Variants in FREM2 observed in about 807,000 individuals in gnomAD.
FREM2 encodes the protein FRAS1 related extracellular matrix 2, also known as FRAS1-related extracellular matrix protein 2.
FREM2 carries 119 observed loss-of-function variants against 219.9 expected under a neutral mutation model. The observed-to-expected ratio is 0.54, with a 90% CI of 0.47 to 0.63. The LOEUF is 0.63. Ranked by LOEUF, FREM2 falls within the 30% of genes least tolerant of loss-of-function variation. The pLI, the probability that FREM2 is intolerant of heterozygous loss-of-function variation, is 0.00. For missense variants in FREM2, 4,030 were observed against 3,993.6 expected, an observed-to-expected ratio of 1.01 and a Z score of -0.25; for synonymous variants, 1,562 against 1,522.8, an observed-to-expected ratio of 1.03 and a Z score of -0.60.
rs199524550 is a variant in FREM2 at position 38,857,984 on chromosome 13, C to T, written c.7166C>T (p.Ala2389Val). 23 of 1,613,978 alleles carry T rather than the reference C, an allele frequency of 1.4e-5. No homozygotes were observed. In the East Asian group the frequency reaches 5.1e-4, roughly 36 times the overall value. ...TTGATGTATGACGACACTTCCAAAGCTAAGGAGAGTGCTGAACCCATGTCT... is the reference window on the plus strand; with the variant it reads ...TTGATGTATGACGACACTTCCAAAGTTAAGGAGAGTGCTGAACCCATGTCT... ...SLLMYDDTSKAKESAEPMSGY... is the reference protein window; with the variant it reads ...SLLMYDDTSKVKESAEPMSGY... The change falls in exon 13 of 24, where the codon GCT becomes GTT. Residue 2389 changes from alanine to valine, a missense_variant. Physicochemically the swap from Ala to Val is moderately conservative, Grantham distance 64. This residue lies in a region of FREM2 where 928 missense variants were observed against 1,042.9 expected (regional missense o/e 0.89). Transcript: ENST00000280481.
chr13:38,866,541 G>A (rs2137927775), intron 16 of FREM2, among the ~76,000 whole-genome samples: 1 of 151,308 alleles, frequency 6.6e-6, no homozygotes, highest in East Asian at 2.0e-4. Context: ...GGTGGCGCAT[G>A]CCTGTAATCC....
At chr13:38,863,557 C>CAA (rs58585772) in intron 15 of FREM2, among the ~76,000 whole-genome samples, 42 of 152,154 alleles carry the variant, frequency 2.8e-4, no homozygotes, top group Admixed American at 7.9e-4. Flanking sequence ...TGTTATAAAA[C>CAA]AAAAAAATGA....
chr13:38,690,419 A>G lies in FREM2; in HGVS notation c.3075A>G (p.Leu1025=), dbSNP rs547799845. Residue 1025 remains leucine (L), a synonymous_variant, in exon 1 of 24, where the codon CTA becomes CTG. Transcript: ENST00000280481. Reference sequence around the variant, plus strand: ...CCCACACCAGTGGTGAGATAGGCCTATTGCCTAAAGCGGATTCTTTTAACC... The same window carrying G: ...CCCACACCAGTGGTGAGATAGGCCTGTTGCCTAAAGCGGATTCTTTTAACC... ...VYTHTSGEIG[L]LPKADSFNLS... 198 of 1,614,132 alleles carry G rather than the reference A, an allele frequency of 1.2e-4. 1 individual carries two copies. In the South Asian group the frequency reaches 1.7e-3, roughly 14 times the overall value.
intron 6 of FREM2, among the ~76,000 whole-genome samples, chr13:38,830,537 G>T (rs1036984328): frequency 1.3e-4 from 20 of 152,154 alleles, no homozygotes; most frequent in South Asian, 4.1e-4. Flanking sequence ...AAGTTCTGAT[G>T]ATTTCAATTC....
chr13:38,790,775 CT>C (rs1874528588), intron 6 of FREM2, among the ~76,000 whole-genome samples: 1 of 152,158 alleles, frequency 6.6e-6, no homozygotes, highest in African/African-American at 2.4e-5. Context: ...CTCTTAAAAG[CT>C]TTAATTTCTA....
At chr13:38,870,296 A>G (rs1271539232) in intron 16 of FREM2, among the ~76,000 whole-genome samples, 1 of 152,170 alleles carries the variant, frequency 6.6e-6, no homozygotes, top group East Asian at 1.9e-4. Flanking sequence ...AGCAGAATAA[A>G]TTTGACAGTG....
At position 38,692,080 on chromosome 13, in the gene FREM2, G is replaced by A; in HGVS notation, c.4736G>A (p.Gly1579Asp). The A allele has an allele frequency of 6.2e-7, 1 of 1,614,140 alleles. No individual in the cohort carries two copies. The highest frequency in any genetic ancestry group is 1.1e-5 in the South Asian group (1 of 91,078). The stretch of plus-strand genomic sequence containing the variant: ...ACTATCACCCAGGTGCCTATTCATG[G>A]CCATCTCCTATTCAACAATACCAGA... ...KFTITQVPIH[G>D]HLLFNNTRPV... Residue 1579 changes from glycine (G) to aspartate (D), a missense_variant, in exon 1 of 24, where the codon GGC becomes GAC. Gly to Asp is a moderately conservative substitution (Grantham distance 94, BLOSUM62 -1). Coordinates refer to ENST00000280481, the MANE Select transcript of FREM2 (RefSeq NM_207361.6).
Position 38,688,862 on chromosome 13 carries a change from C to T in FREM2, c.1518C>T (p.Ser506=), listed in dbSNP as rs141821695. 12,849 of 1,613,570 alleles carry T rather than the reference C, an allele frequency of 8.0e-3. 102 individuals are homozygous for T. Among genetic ancestry groups the T allele is most frequent in the Non-Finnish European group, 8.1e-3 (9,613 of 1,179,862 alleles). ...CCAGTGGCAGCTCTGCTCCCAAGAG[C>T]TTTACAGTGGCTGAGCTGGCAGCCG... The part of the protein sequence containing the change: ...GASSGSSAPK[S]FTVAELAAGQ... The change falls in exon 1 of 24, where the codon AGC becomes AGT. Residue 506 remains serine, a synonymous_variant. Transcript: ENST00000280481.
intron 6 of FREM2, among the ~76,000 whole-genome samples, chr13:38,802,108 G>C (rs986725077): frequency 5.3e-5 from 8 of 152,164 alleles, no homozygotes; most frequent in Non-Finnish European, 2.9e-5. Flanking sequence ...GACCAGGCTG[G>C]TAGACTTGTC....
chr13:38,765,775 G>A (rs1416554036), intron 3 of FREM2, among the ~76,000 whole-genome samples: 1 of 152,008 alleles, frequency 6.6e-6, no homozygotes, highest in African/African-American at 2.4e-5. Flanking sequence ...CTGTCTTTGA[G>A]GTTGCTCTGG....
intron 11 of FREM2, among the ~76,000 whole-genome samples, chr13:38,853,274 G>A (rs938995070): frequency 2.0e-4 from 28 of 136,886 alleles, no homozygotes; most frequent in African/African-American, 5.8e-4. Flanking sequence ...GCCGAGATCC[G>A]CCATTACACT....
chr13:38,851,544 C>T (rs1877371132), intron 10 of FREM2, 142 bp from the exon 11 acceptor site: 2 of 715,696 alleles, frequency 2.8e-6, no homozygotes, highest in Admixed American at 2.2e-5. Context: ...ACACACGTCA[C>T]TAATTTTGAG....
At chr13:38,802,466 T>C (rs1380745317) in intron 6 of FREM2, among the ~76,000 whole-genome samples, 2 of 152,134 alleles carry the variant, frequency 1.3e-5, no homozygotes, top group African/African-American at 4.8e-5. Flanking sequence ...CCTGTGGGCC[T>C]GCCACCAGGA....
chr13:38,691,593 A>T lies in FREM2; in HGVS notation c.4249A>T (p.Ile1417Phe), dbSNP rs1389181273. 1 of 1,614,062 alleles carries T rather than the reference A, an allele frequency of 6.2e-7. No individual in the cohort carries two copies. Among genetic ancestry groups the T allele is most frequent in the Non-Finnish European group, 8.5e-7 (1 of 1,180,032 alleles). ...TTACTTTTATGTGTCCATCGGGAGCATTGACATTGTCTTCCCTGATGTGAT... is the reference window on the plus strand; with the variant it reads ...TTACTTTTATGTGTCCATCGGGAGCTTTGACATTGTCTTCCCTGATGTGAT... ...DRYFYVSIGSIDIVFPDVISK... is the reference protein window; with the variant it reads ...DRYFYVSIGSFDIVFPDVISK... The change falls in exon 1 of 24, where the codon ATT becomes TTT. Residue 1417 changes from isoleucine (I) to phenylalanine (F), a missense_variant. By Grantham distance (21) the Ile-to-Phe change is conservative. Transcript: ENST00000280481.
Position 38,789,519 on chromosome 13 carries a change from G to GT in FREM2, c.6019+4720dup, listed in dbSNP as rs577789838. On this transcript the variant is annotated intron_variant, in intron 6 of 23. Coordinates refer to ENST00000280481, the MANE Select transcript of FREM2 (RefSeq NM_207361.6). ...CCAGAAGTTTGTATATTTTATTCAAGTTTTTTTTTAAAAAAAGCTATGTTT... is the reference window on the plus strand; with the variant it reads ...CCAGAAGTTTGTATATTTTATTCAAGTTTTTTTTTTAAAAAAAGCTATGTTT... 4.8e-3 allele frequency among the ~76,000 whole-genome samples: 692 copies of GT among 145,610 alleles called. 4 individuals are homozygous for GT. The highest frequency in any genetic ancestry group is 0.016 in the African/African-American group (642 of 39,898).
Position 38,687,660 on chromosome 13 carries a change from G to C in FREM2, c.316G>C (p.Ala106Pro). The change falls in exon 1 of 24, where the codon GCG (alanine) becomes CCG (proline). Residue 106 changes from alanine (A) to proline (P), a missense_variant. Coordinates refer to ENST00000280481, the MANE Select transcript of FREM2 (RefSeq NM_207361.6). ...GCAGGTGCAGCCCGGGGACCGCTGC[G>C]CGGTTTCGGTACTAGACAACGACGC... ...VLQVQPGDRC[A>P]VSVLDNDALA... 6.2e-7 allele frequency: 1 copy of C among 1,605,768 alleles called. No homozygotes were observed. Among genetic ancestry groups the C allele is most frequent in the Non-Finnish European group, 8.5e-7 (1 of 1,175,624 alleles).
At chr13:38,733,220 G>A (rs1476020723) in intron 2 of FREM2, among the ~76,000 whole-genome samples, 1 of 151,972 alleles carries the variant, frequency 6.6e-6, no homozygotes, top group African/African-American at 2.4e-5. Context: ...GCACTGAGGA[G>A]TAAGAAATAA....
intron 2 of FREM2, among the ~76,000 whole-genome samples, chr13:38,727,143 A>G (rs550138529): frequency 9.2e-5 from 14 of 152,206 alleles, no homozygotes; most frequent in South Asian, 4.1e-4. Flanking sequence ...TTGCATCAAA[A>G]CACCTCTAAA....
intron 11 of FREM2, among the ~76,000 whole-genome samples, chr13:38,852,719 T>C (rs1366022713): frequency 6.6e-6 from 1 of 151,332 alleles, no homozygotes; most frequent in East Asian, 2.0e-4. Flanking sequence ...TTTTTTTTTT[T>C]TTTGAGACAG....
Sources: allele counts gnomAD v4.1 joint callset (sites outside exome capture counted in the v4.1 genomes callset), GRCh38; gene constraint gnomAD v4.1.1; regional missense constraint gnomAD v4.1.1; transcripts MANE v1.5; gene names NCBI Gene and HGNC (gene_info 2026-07-23, HGNC 2026-07-21).